The following SPON1 variants were observed in gnomAD, a reference collection of about 807,000 sequenced individuals.
The protein encoded by SPON1 is spondin-1.
In SPON1, 52 loss-of-function variants were observed where a neutral mutation model predicts 111.7. The ratio of observed to expected loss-of-function variants is 0.47; its 90% CI spans 0.37 to 0.59. The LOEUF is 0.59. SPON1 is among the 20% of genes least tolerant of loss of function. SPON1 has a pLI of 0.00. For synonymous variants in SPON1, 410 were observed against 395.8 expected, an observed-to-expected ratio of 1.04 and a Z score of -0.43; for missense variants, 957 against 1,068.5, an observed-to-expected ratio of 0.90 and a Z score of 1.46.
intron 3 of SPON1, among the ~76,000 whole-genome samples, chr11:14,055,667 G>A (rs1163697712): frequency 3.3e-5 from 5 of 152,162 alleles, no homozygotes; most frequent in Non-Finnish European, 7.3e-5. Context: ...GATCTGTTCC[G>A]TGGGCAGCTC....
At chr11:14,044,454 A>G (rs958797002) in intron 3 of SPON1, among the ~76,000 whole-genome samples, 1 of 152,102 alleles carries the variant, frequency 6.6e-6, no homozygotes, top group Non-Finnish European at 1.5e-5. Flanking sequence ...TTTACTAAAA[A>G]TACAAACATT....
chr11:14,183,274 G>A (rs1554933832), intron 6 of SPON1, among the ~76,000 whole-genome samples: 1 of 152,154 alleles, frequency 6.6e-6, no homozygotes, highest in African/African-American at 2.4e-5. Flanking sequence ...GAGACACCAG[G>A]CATGCTAATT....
intron 6 of SPON1, among the ~76,000 whole-genome samples, chr11:14,197,935 G>C (rs1848421131): frequency 6.6e-6 from 1 of 152,212 alleles, no homozygotes; most frequent in Non-Finnish European, 1.5e-5. Context: ...TTGTGGCTTT[G>C]TTCGTTTCTC....
chr11:14,076,727 TG>T (rs1564899432), intron 4 of SPON1, among the ~76,000 whole-genome samples: 1 of 152,172 alleles, frequency 6.6e-6, no homozygotes, highest in African/African-American at 2.4e-5. Flanking sequence ...GTAGATGAGC[TG>T]AGCAGAAACT....
chr11:14,184,155 A>G (rs907455842), intron 6 of SPON1, among the ~76,000 whole-genome samples: 1 of 152,170 alleles, frequency 6.6e-6, no homozygotes, highest in Non-Finnish European at 1.5e-5. Flanking sequence ...CCAACTATGT[A>G]ATCTCTGCTC....
intron 7 of SPON1, among the ~76,000 whole-genome samples, chr11:14,247,074 T>C (rs1307013553): frequency 6.6e-6 from 1 of 152,200 alleles, no homozygotes; most frequent in Non-Finnish European, 1.5e-5. Context: ...GGCCAAGCCA[T>C]GTAACATTTG....
intron 5 of SPON1, among the ~76,000 whole-genome samples, chr11:14,091,331 T>C (rs1251538643): frequency 6.6e-6 from 1 of 152,186 alleles, no homozygotes; most frequent in Non-Finnish European, 1.5e-5. Flanking sequence ...GCGCTGGCAT[T>C]CCTCAGCCCT....
Position 14,254,632 on chromosome 11 carries a change from C to T in SPON1, c.995C>T (p.Ala332Val). 6.2e-7 allele frequency: 1 copy of T among 1,614,040 alleles called. No individual in the cohort carries two copies. The highest frequency in any genetic ancestry group is 8.5e-7 in the Non-Finnish European group (1 of 1,179,904). Residue 332 changes from alanine (A) to valine (V), a missense_variant, in exon 8 of 16, where the codon GCA becomes GTA. This residue lies in a region of SPON1 where 19 missense variants were observed against 47.5 expected (regional missense o/e 0.40). Coordinates refer to ENST00000576479, the MANE Select transcript of SPON1 (RefSeq NM_006108.4). Reference sequence around the variant, plus strand: ...CCCGACTGGAACGTAGGCTTATCTGCAGAAGATCTGTGCACCAAGGAATGT... The same window carrying T: ...CCCGACTGGAACGTAGGCTTATCTGTAGAAGATCTGTGCACCAAGGAATGT... ...PSPDWNVGLS[A>V]EDLCTKECGW...
chr11:14,228,651 A>G lies in SPON1; in HGVS notation c.826-14681A>G, dbSNP rs1268174317. On this transcript the variant is annotated intron_variant, in intron 6 of 15. Transcript: ENST00000576479. This position sits in a 1 kb window ranked among gnomAD's most constrained non-coding sequence, Gnocchi z 4.2. ...CACATTAGGCTGTGTTATCTAGCCA[A>G]TGCCAAAGAACTGACAGCTAAGAGC... Among the ~76,000 whole-genome samples the G allele has an allele frequency of 6.6e-6, 1 of 152,206 alleles. No individual in the cohort carries two copies. Among genetic ancestry groups the G allele is most frequent in the African/African-American group, 2.4e-5 (1 of 41,454 alleles).
At chr11:13,984,496 G>A (rs1848167267) in intron 2 of SPON1, among the ~76,000 whole-genome samples, 1 of 152,162 alleles carries the variant, frequency 6.6e-6, no homozygotes, top group South Asian at 2.1e-4. Context: ...GAGAAGGTGA[G>A]AGCAAGAGGG....
chr11:14,147,912 T>C (rs1195944793), intron 6 of SPON1, among the ~76,000 whole-genome samples: 1 of 152,192 alleles, frequency 6.6e-6, no homozygotes, highest in Non-Finnish European at 1.5e-5. Flanking sequence ...TTAGATATTA[T>C]AAATGATGTT....
intron 6 of SPON1, among the ~76,000 whole-genome samples, chr11:14,227,734 C>T (rs1848755610): frequency 6.6e-6 from 1 of 152,148 alleles, no homozygotes; most frequent in Non-Finnish European, 1.5e-5. Context: ...CCCCATTTTA[C>T]CAATGAGAAA....
intron 6 of SPON1, among the ~76,000 whole-genome samples, chr11:14,217,235 G>A (rs11023147): frequency 0.12 from 18,851 of 152,146 alleles, 1,390 homozygotes; most frequent in South Asian, 0.23. Flanking sequence ...CTCACAGTTC[G>A]GTTGTTTCAG....
chr11:14,081,779 A>G (rs782038477), intron 5 of SPON1, among the ~76,000 whole-genome samples: 10 of 152,254 alleles, frequency 6.6e-5, no homozygotes, highest in Admixed American at 3.3e-4. Flanking sequence ...GATTGGACTT[A>G]AGAAGACTCA....
intron 6 of SPON1, among the ~76,000 whole-genome samples, chr11:14,199,220 G>T (rs57150949): frequency 1.8e-3 from 274 of 152,218 alleles, no homozygotes; most frequent in African/African-American, 6.5e-3. Flanking sequence ...TTCTTAAGGA[G>T]ATGTAAGGGC....
At chr11:14,239,578 A>C (rs1554939494) in intron 6 of SPON1, among the ~76,000 whole-genome samples, 1 of 152,168 alleles carries the variant, frequency 6.6e-6, no homozygotes, top group Non-Finnish European at 1.5e-5. Flanking sequence ...TACAAAAATT[A>C]GCCATGAGTA....
At chr11:14,215,169 C>T (rs1848613863) in intron 6 of SPON1, among the ~76,000 whole-genome samples, 1 of 152,170 alleles carries the variant, frequency 6.6e-6, no homozygotes, top group Admixed American at 6.5e-5. Flanking sequence ...AGTCCTCCCA[C>T]CTCAGCCTCC....
chr11:14,128,848 A>AC (rs1847494156), intron 5 of SPON1, among the ~76,000 whole-genome samples: 1 of 152,034 alleles, frequency 6.6e-6, no homozygotes, highest in Non-Finnish European at 1.5e-5. Context: ...GTACCCACAG[A>AC]CCCCCAACAC....
At chr11:14,170,422 A>G (rs535269892) in intron 6 of SPON1, among the ~76,000 whole-genome samples, 1 of 152,178 alleles carries the variant, frequency 6.6e-6, no homozygotes, top group Non-Finnish European at 1.5e-5. Flanking sequence ...TTCTAGATAT[A>G]TAATCATGTC....
Sources: gnomAD v4.1 joint callset for allele counts (sites outside exome capture counted in the v4.1 genomes callset) on GRCh38, gnomAD v4.1.1 for gene constraint, gnomAD v4.1.1 regional missense constraint, Gnocchi (gnomAD v3.1) non-coding constraint, MANE v1.5 for transcripts, NCBI Gene and HGNC (gene_info 2026-07-23, HGNC 2026-07-21) for gene names.